The following CCDC171 variants were observed in gnomAD, a reference collection of about 807,000 sequenced individuals.
The protein encoded by CCDC171 is coiled-coil domain containing 171, also known as coiled-coil domain-containing protein 171.
In CCDC171, 177 loss-of-function variants were observed where a neutral mutation model predicts 168.2. That is an observed-to-expected ratio of 1.05 (90% CI 0.93 to 1.19). CCDC171 has a LOEUF of 1.19. CCDC171 is among the 50% of genes most tolerant of loss of function. The probability of loss-of-function intolerance (pLI) is 0.00; values close to 1 mark genes in which losing one functional copy is unlikely to be tolerated. For missense variants in CCDC171, 1,991 were observed against 1,539.0 expected, an observed-to-expected ratio of 1.29 and a Z score of -4.91; for synonymous variants, 687 against 540.8, an observed-to-expected ratio of 1.27 and a Z score of -3.75.
At chr9:15,807,457 A>G (rs1241029930) in intron 21 of CCDC171, among the ~76,000 whole-genome samples, 1 of 152,138 alleles carries the variant, frequency 6.6e-6, no homozygotes. Context: ...AAGGACGGGG[A>G]TAGAATAACC....
rs1181393246 is a variant in CCDC171 at position 15,594,098 on chromosome 9, A to G, written c.601A>G (p.Thr201Ala). The G allele has an allele frequency of 3.8e-6, 6 of 1,568,544 alleles. No individual in the cohort carries two copies. In the South Asian group the frequency reaches 6.8e-5, roughly 18 times the overall value. Residue 201 changes from threonine (T) to alanine (A), a missense_variant, in exon 6 of 26, where the codon ACA (threonine) becomes GCA (alanine). By Grantham distance (58) the Thr-to-Ala change is moderately conservative. Transcript: ENST00000380701. ...KNEMESHIRE[T>A]ALEEFRLQEE... ...TGAGATGGAGTCTCATATCAGGGAG[A>G]CAGCATTGGAGGAGTTTAGATTACA...
intron 12 of CCDC171, among the ~76,000 whole-genome samples, chr9:15,722,368 A>G (rs2053540106): frequency 6.6e-6 from 1 of 152,216 alleles, no homozygotes; most frequent in African/African-American, 2.4e-5. Context: ...AAAAACAAAT[A>G]TCTGTTTGAT....
At chr9:16,078,333 T>A in the CCDC171 span, among the ~76,000 whole-genome samples, 2,559 of 152,056 alleles carry the variant, frequency 0.017, 35 homozygotes, top group South Asian at 0.045. Context: ...GCAGGGAGAA[T>A]TGAGGTATGG....
intron 16 of CCDC171, 39 bp downstream of exon 16, chr9:15,729,837 C>T (rs2054045352): frequency 5.8e-6 from 9 of 1,561,166 alleles, no homozygotes; most frequent in Non-Finnish European, 7.8e-6. Flanking sequence ...AAATGGGTTA[C>T]TCAGTGTAAC....
the CCDC171 span, among the ~76,000 whole-genome samples, chr9:16,087,356 T>G: frequency 6.6e-6 from 1 of 152,130 alleles, no homozygotes; most frequent in Non-Finnish European, 1.5e-5. Flanking sequence ...TATTATTGTG[T>G]GGGAGGCTAA....
At chr9:16,054,139 T>C (rs1435713467) in intron 1 of CCDC171, among the ~76,000 whole-genome samples, 1 of 152,190 alleles carries the variant, frequency 6.6e-6, no homozygotes, top group Admixed American at 6.5e-5. Flanking sequence ...ATATGGTCCT[T>C]CTCTGGGGTC....
intron 6 of CCDC171, among the ~76,000 whole-genome samples, chr9:15,619,109 C>T (rs1444502384): frequency 6.6e-6 from 1 of 152,114 alleles, no homozygotes; most frequent in Non-Finnish European, 1.5e-5. Context: ...TCTTCCAACT[C>T]TCCCTCTCGT....
At chr9:15,927,220 C>CT (rs1341394887) in intron 25 of CCDC171, among the ~76,000 whole-genome samples, 1 of 151,620 alleles carries the variant, frequency 6.6e-6, no homozygotes, top group Admixed American at 6.6e-5. Context: ...CTTGCCAGTA[C>CT]TTTAACTTTT....
intron 4 of CCDC171, among the ~76,000 whole-genome samples, chr9:16,021,160 G>T (rs7848858): frequency 0.018 from 2,767 of 152,184 alleles, 80 homozygotes; most frequent in African/African-American, 0.062. Flanking sequence ...TGATCTCGGC[G>T]CACTGCAACC....
At chr9:15,787,348 T>G (rs543464260) in intron 21 of CCDC171, among the ~76,000 whole-genome samples, 1 of 152,276 alleles carries the variant, frequency 6.6e-6, no homozygotes, top group South Asian at 2.1e-4. Context: ...TGAAACTTTG[T>G]ACCCTTTGAT....
intron 25 of CCDC171, chr9:15,922,177 GA>G: frequency 2.5e-6 from 1 of 406,074 alleles, no homozygotes; most frequent in Non-Finnish European, 5.1e-6. Context: ...TATAGAATGC[GA>G]AACATTCCCC....
chr9:15,910,274 G>C (rs538703077), intron 24 of CCDC171, among the ~76,000 whole-genome samples: 2 of 152,194 alleles, frequency 1.3e-5, no homozygotes, highest in South Asian at 4.1e-4. Flanking sequence ...TATGGATAGT[G>C]CTACAACAGA....
intron 24 of CCDC171, among the ~76,000 whole-genome samples, chr9:15,896,130 C>A (rs575282909): frequency 6.6e-6 from 1 of 152,042 alleles, no homozygotes; most frequent in East Asian, 1.9e-4. Flanking sequence ...ATAATAAGGG[C>A]AATAATCACC....
intron 6 of CCDC171, among the ~76,000 whole-genome samples, chr9:15,604,342 A>T (rs765262538): frequency 6.6e-6 from 1 of 152,168 alleles, no homozygotes; most frequent in Admixed American, 6.5e-5. Context: ...AAGCTTTTCT[A>T]TTGTGGGACA....
intron 18 of CCDC171, among the ~76,000 whole-genome samples, chr9:15,775,266 A>AT (rs568993560): frequency 2.8e-4 from 42 of 152,386 alleles, no homozygotes; most frequent in African/African-American, 1.0e-3. Context: ...AGAAGAATGC[A>AT]TTGCAGAATT....
At chr9:15,819,884 C>T (rs202110150) in intron 21 of CCDC171, among the ~76,000 whole-genome samples, 1 of 117,592 alleles carries the variant, frequency 8.5e-6, no homozygotes, top group Admixed American at 8.0e-5. Flanking sequence ...CAATAGAATA[C>T]ACATTCTTTT....
chr9:15,791,489 T>C (rs1407677705), intron 21 of CCDC171, among the ~76,000 whole-genome samples: 1 of 152,170 alleles, frequency 6.6e-6, no homozygotes, highest in Non-Finnish European at 1.5e-5. Context: ...CTTAAAGAGA[T>C]TTTGGGCTGA....
At chr9:15,804,042 G>T (rs1030100295) in intron 21 of CCDC171, among the ~76,000 whole-genome samples, 7 of 152,008 alleles carry the variant, frequency 4.6e-5, no homozygotes, top group African/African-American at 1.7e-4. Context: ...CTTGCCTGTT[G>T]GTGTATGGGA....
chr9:15,765,285 G>A (rs573872784), intron 18 of CCDC171, among the ~76,000 whole-genome samples: 76 of 152,204 alleles, frequency 5.0e-4, no homozygotes, highest in Non-Finnish European at 8.5e-4. Context: ...AATATTTAGG[G>A]GTCAAGGGAG....
Sources: allele counts gnomAD v4.1 joint callset (sites outside exome capture counted in the v4.1 genomes callset), GRCh38; gene constraint gnomAD v4.1.1; transcripts MANE v1.5; gene names NCBI Gene and HGNC (gene_info 2026-07-23, HGNC 2026-07-21).